ZIM2: variants seen among roughly 807,000 people sequenced by gnomAD.
ZIM2 encodes the protein zinc finger protein 656.
ZIM2 carries 14 observed loss-of-function variants against 38.6 expected under a neutral mutation model. The ratio of observed to expected loss-of-function variants is 0.36; its 90% confidence interval spans 0.24 to 0.57. The LOEUF is 0.57. Among genes scored for constraint, ZIM2 ranks in the 20% least tolerant of loss-of-function variants. The pLI, the probability that ZIM2 is intolerant of heterozygous loss-of-function variation, is 0.81. For synonymous variants in ZIM2, 247 were observed against 245.8 expected (o/e 1.00, Z -0.04); for missense variants, 680 against 695.1 (o/e 0.98, Z 0.24).
rs1159677390 is a variant in ZIM2 at position 56,774,983 on chromosome 19, T to C, written c.1382A>G (p.His461Arg). The change falls in exon 13 of 13, where the codon CAT (histidine) becomes CGT (arginine). Residue 461 changes from histidine to arginine, a missense_variant. Physicochemically the swap from His to Arg is conservative, Grantham distance 29. Coordinates refer to ENST00000629319, the MANE Select transcript of ZIM2 (RefSeq NM_001387356.1). ...AFLQNVHLLQ[H>R]LKAHEAARVL... ...TCTTGCTGCCTCATGGGCTTTGAGATGTTGAAGAAGATGCACATTCTGGAG... is the reference window on the plus strand; with the variant it reads ...TCTTGCTGCCTCATGGGCTTTGAGACGTTGAAGAAGATGCACATTCTGGAG... 1 of 1,614,176 alleles carries C rather than the reference T, an allele frequency of 6.2e-7. No individual in the cohort carries two copies.
At chr19:56,833,054 G>A (rs2061726371) in intron 2 of ZIM2, 2 of 436,878 alleles carry the variant, frequency 4.6e-6, no homozygotes, top group South Asian at 3.3e-5. Flanking sequence ...AGAAATGATG[G>A]GTCAGTGTTC....
chr19:56,829,265 A>AC (rs1002636811), intron 2 of ZIM2, among the ~76,000 whole-genome samples: 52 of 150,032 alleles, frequency 3.5e-4, no homozygotes, highest in African/African-American at 1.3e-3. Context: ...AATCACTTGG[A>AC]CCCAGGAGGC....
In ZIM2 at chr19:56,824,544, C is replaced by A; in HGVS notation, c.-150-117G>T. ...TGAAAAAACTCAGAGTCAGTTGGAC[C>A]TTCTCCTATGATGACATCCGGCTCC... On this transcript the variant is annotated intron_variant, in intron 3 of 12. Transcript: ENST00000629319. 1.9e-6 allele frequency: 3 copies of A among 1,614,112 alleles called. No homozygotes were observed. Among genetic ancestry groups the A allele is most frequent in the Non-Finnish European group, 2.5e-6 (3 of 1,180,024 alleles).
At chr19:56,779,570 G>A (rs1288787368) in intron 11 of ZIM2, 98 bp from the exon 12 acceptor site, 2 of 1,159,738 alleles carry the variant, frequency 1.7e-6, no homozygotes, top group African/African-American at 1.5e-5. Flanking sequence ...ACTCTCGCAG[G>A]AGTAAAATGA....
chr19:56,838,766 G>A lies in ZIM2; in HGVS notation c.-314+1816C>T, dbSNP rs139839451. 2.9e-3 allele frequency among the ~76,000 whole-genome samples: 445 copies of A among 152,310 alleles called. 5 individuals are homozygous for A. Among genetic ancestry groups the A allele is most frequent in the Non-Finnish European group, 5.4e-3 (367 of 68,026 alleles). ...AGTCCCACTGGCAAAACAGCCTGGC[G>A]ACCAGCACACACAGCCCAAGGAGCG... On this transcript the variant is annotated intron_variant, in intron 1 of 12. Coordinates refer to ENST00000629319, the MANE Select transcript of ZIM2 (RefSeq NM_001387356.1).
At chr19:56,797,761 T>C (rs577863671) in intron 9 of ZIM2, among the ~76,000 whole-genome samples, 3 of 152,244 alleles carry the variant, frequency 2.0e-5, no homozygotes, top group South Asian at 2.1e-4. Flanking sequence ...TTTTGGGGGA[T>C]TGGAAGAAAT....
Position 56,836,096 on chromosome 19 carries a change from A to G in ZIM2, c.-305T>C. 1 of 487,562 alleles carries G rather than the reference A, an allele frequency of 2.1e-6. No individual in the cohort carries two copies. The highest frequency in any genetic ancestry group is 4.1e-6 in the Non-Finnish European group (1 of 243,918). The allele number at this position is 487,562 out of a possible 1,614,324, so 30.2% of individuals were successfully genotyped here. Reference sequence around the variant, plus strand: ...TCTCCAAGAAGGACGGAAGATCAAGAAGGCAAAGCTGTAGAGGAAAAGAAA... The same window carrying G: ...TCTCCAAGAAGGACGGAAGATCAAGGAGGCAAAGCTGTAGAGGAAAAGAAA... On this transcript the variant is annotated 5_prime_UTR_variant, in exon 2 of 13. Transcript: ENST00000629319.
chr19:56,816,130 G>C (rs1457779891), intron 9 of ZIM2: 1 of 1,613,458 alleles, frequency 6.2e-7, no homozygotes, highest in South Asian at 1.1e-5. Flanking sequence ...ATATGATTTT[G>C]CCTCATAGAC....
At chr19:56,775,966 T>C (rs980661747) in intron 12 of ZIM2, among the ~76,000 whole-genome samples, 5 of 151,976 alleles carry the variant, frequency 3.3e-5, no homozygotes, top group African/African-American at 9.6e-5. Flanking sequence ...CTGGGCATGG[T>C]GGCGCGTGCC....
chr19:56,802,762 A>T (rs2047589588), intron 9 of ZIM2, among the ~76,000 whole-genome samples: 1 of 152,204 alleles, frequency 6.6e-6, no homozygotes, highest in East Asian at 1.9e-4. Context: ...GTGTTCAAAA[A>T]ACTTCCCCAA....
At chr19:56,831,000 T>C (rs981058164) in intron 2 of ZIM2, among the ~76,000 whole-genome samples, 1 of 151,862 alleles carries the variant, frequency 6.6e-6, no homozygotes, top group African/African-American at 2.4e-5. Flanking sequence ...CTGAAATAAA[T>C]ACATAAAGAC....
chr19:56,813,830 C>A (rs1415423915), intron 9 of ZIM2: 1 of 1,614,164 alleles, frequency 6.2e-7, no homozygotes, highest in Non-Finnish European at 8.5e-7. Flanking sequence ...TCCCCAAAGG[C>A]ATTTGCAGGC....
At chr19:56,778,801 T>C (rs1203391389) in intron 12 of ZIM2, among the ~76,000 whole-genome samples, 3 of 152,108 alleles carry the variant, frequency 2.0e-5, no homozygotes, top group Non-Finnish European at 4.4e-5. Context: ...ACCCATTTCA[T>C]GAAGATGGTA....
chr19:56,819,323 A>G (rs1023285539), intron 7 of ZIM2, among the ~76,000 whole-genome samples: 14 of 152,328 alleles, frequency 9.2e-5, no homozygotes, highest in African/African-American at 3.1e-4. Flanking sequence ...TCACCCAGGA[A>G]TAACTGTAAG....
intron 9 of ZIM2, among the ~76,000 whole-genome samples, chr19:56,797,312 A>G (rs1471325158): frequency 1.3e-5 from 2 of 150,840 alleles, no homozygotes; most frequent in East Asian, 2.0e-4. Flanking sequence ...AAATAAATAA[A>G]TAAACAAATA....
chr19:56,838,510 C>T (rs1051083595), intron 1 of ZIM2, among the ~76,000 whole-genome samples: 3 of 152,168 alleles, frequency 2.0e-5, no homozygotes, highest in Admixed American at 1.3e-4. Context: ...CTCGCAGCTC[C>T]CCCACTAAGC....
chr19:56,811,433 G>C (rs991700611), intron 9 of ZIM2: 3 of 914,158 alleles, frequency 3.3e-6, no homozygotes, highest in Non-Finnish European at 3.9e-6. Context: ...ATATTTCCAC[G>C]TTGCTACATA....
intron 9 of ZIM2, among the ~76,000 whole-genome samples, chr19:56,809,368 TA>T (rs1169134425): frequency 1.3e-5 from 2 of 152,224 alleles, no homozygotes; most frequent in Non-Finnish European, 2.9e-5. Flanking sequence ...ACATGAAGGA[TA>T]TTAGACGGGC....
intron 9 of ZIM2, chr19:56,799,485 A>T (rs1050604896): frequency 6.6e-6 from 1 of 152,202 alleles, no homozygotes; most frequent in Admixed American, 6.5e-5. Flanking sequence ...CGGGAAGAAT[A>T]GCTAATGCAT....
Sources: gnomAD v4.1 joint callset for allele counts (sites outside exome capture counted in the v4.1 genomes callset) on GRCh38, gnomAD v4.1.1 for gene constraint, MANE v1.5 for transcripts, NCBI Gene and HGNC (gene_info 2026-07-23, HGNC 2026-07-21) for gene names.